Variants in VPS8 observed in about 807,000 individuals in gnomAD.
VPS8 encodes the protein VPS8 subunit of CORVET complex, also known as vacuolar protein sorting-associated protein 8 homolog.
VPS8 carries 129 observed loss-of-function variants against 216.4 expected under a neutral mutation model. The observed-to-expected ratio is 0.60, with a 90% CI of 0.52 to 0.69. The LOEUF (loss-of-function observed/expected upper bound fraction) is 0.69. Ranked by LOEUF, VPS8 falls within the 30% of genes least tolerant of loss-of-function variation. The pLI is 0.00. For synonymous variants in VPS8, 571 were observed against 565.4 expected (o/e 1.01, Z -0.14); for missense variants, 1,531 against 1,683.5 (o/e 0.91, Z 1.59).
intron 40 of VPS8, among the ~76,000 whole-genome samples, chr3:184,979,352 T>C (rs1433670527): frequency 6.6e-6 from 1 of 152,134 alleles, no homozygotes; most frequent in Admixed American, 6.5e-5. Context: ...CCTGAGTATC[T>C]TTGCTAGTTT....
chr3:184,889,634 T>C (rs1409830911), intron 22 of VPS8, among the ~76,000 whole-genome samples: 1 of 152,054 alleles, frequency 6.6e-6, no homozygotes, highest in Non-Finnish European at 1.5e-5. Context: ...CCTTGTCTCT[T>C]TCCCTAATTC....
At chr3:185,003,172 AATTG>A (rs780653363) in intron 45 of VPS8, among the ~76,000 whole-genome samples, 1 of 34,388 alleles carries the variant, frequency 2.9e-5, no homozygotes, top group Non-Finnish European at 6.1e-5. Flanking sequence ...TTTTTTTTTT[AATTG>A]ATCATTCTTG....
At chr3:184,895,892 C>T (rs1733383876) in intron 23 of VPS8, among the ~76,000 whole-genome samples, 1 of 151,282 alleles carries the variant, frequency 6.6e-6, no homozygotes, top group Non-Finnish European at 1.5e-5. Flanking sequence ...CCGTGGCCTT[C>T]CAAAGTGCTG....
chr3:185,051,746 A>T, intron 47 of VPS8, 130 bp from the exon 48 acceptor site: 1 of 1,175,824 alleles, frequency 8.5e-7, no homozygotes, highest in Non-Finnish European at 1.1e-6. Context: ...TGGACCTAAG[A>T]TTCAAACCCT....
intron 45 of VPS8, among the ~76,000 whole-genome samples, chr3:185,007,508 T>A (rs1424982033): frequency 6.6e-6 from 1 of 152,240 alleles, no homozygotes; most frequent in Non-Finnish European, 1.5e-5. Context: ...TAACTTGATA[T>A]AAATTCAAAG....
rs115844578 is a variant in VPS8 at position 184,885,590 on chromosome 3, C to T, written c.1735-520C>T. ...GCCACCAGCAGGACCAACTGTATCCCGTTATCAATTTGATTTATTTGCTTA... is the reference window on the plus strand; with the variant it reads ...GCCACCAGCAGGACCAACTGTATCCTGTTATCAATTTGATTTATTTGCTTA... On this transcript the variant is annotated intron_variant, in intron 21 of 47. Coordinates refer to ENST00000625842, the MANE Select transcript of VPS8 (RefSeq NM_001009921.3). Among the ~76,000 whole-genome samples, 676 of 152,202 alleles carry T rather than the reference C, an allele frequency of 4.4e-3. 5 individuals are homozygous for T. Among genetic ancestry groups the T allele is most frequent in the African/African-American group, 0.016 (648 of 41,524 alleles).
At chr3:184,916,411 A>G (rs1737606855) in intron 28 of VPS8, among the ~76,000 whole-genome samples, 1 of 152,118 alleles carries the variant, frequency 6.6e-6, no homozygotes, top group African/African-American at 2.4e-5. Context: ...GTATTTGGAG[A>G]AAAAAAGACA....
At chr3:184,940,642 TCTAAATGTATTACCTTTTAAACTCTGA>T (rs1197723440) in intron 36 of VPS8, among the ~76,000 whole-genome samples, 1 of 152,224 alleles carries the variant, frequency 6.6e-6, no homozygotes, top group Non-Finnish European at 1.5e-5. Context: ...CCAGCCCACC[TCTAAATGTATTACCTTTTAAACTCTGA>T]CTTAATATGT....
chr3:184,847,211 T>C (rs1173238102), intron 8 of VPS8, among the ~76,000 whole-genome samples: 2 of 152,212 alleles, frequency 1.3e-5, no homozygotes, highest in Non-Finnish European at 2.9e-5. Flanking sequence ...TATGTAGTTA[T>C]ACTCATTGTT....
intron 22 of VPS8, 109 bp downstream of exon 22, chr3:184,886,265 T>C (rs1731210851): frequency 9.4e-7 from 1 of 1,062,770 alleles, no homozygotes; most frequent in African/African-American, 1.6e-5. Context: ...TTTAAAAATA[T>C]TAATTTATAG....
intron 22 of VPS8, among the ~76,000 whole-genome samples, chr3:184,886,777 C>T (rs906682612): frequency 1.6e-4 from 25 of 152,116 alleles, no homozygotes; most frequent in African/African-American, 5.8e-4. Flanking sequence ...GACGGGGTTT[C>T]ACCATGTTGG....
At chr3:184,939,452 C>A (rs1418815392) in intron 35 of VPS8, among the ~76,000 whole-genome samples, 1 of 151,490 alleles carries the variant, frequency 6.6e-6, no homozygotes, top group African/African-American at 2.4e-5. Flanking sequence ...ATAGGTTTCC[C>A]AAGAATTTAG....
intron 30 of VPS8, among the ~76,000 whole-genome samples, chr3:184,925,834 C>T (rs1739509702): frequency 6.8e-6 from 1 of 147,946 alleles, no homozygotes; most frequent in Admixed American, 6.7e-5. Context: ...AGTGCAGCAG[C>T]ACGATCTTGG....
chr3:184,926,667 C>T lies in VPS8; in HGVS notation c.2631+17C>T, dbSNP rs1426207078. 2 of 1,587,438 alleles carry T rather than the reference C, an allele frequency of 1.3e-6. No homozygotes were observed. Among genetic ancestry groups the T allele is most frequent in the East Asian group, 2.3e-5 (1 of 44,048 alleles). ...AGACAGCAGGTATGAACTACTAGAA[C>T]TCTTTTTGCTAAAAAATAGGAAAGA... On this transcript the variant is annotated intron_variant, in intron 31 of 47. Coordinates refer to ENST00000625842, the MANE Select transcript of VPS8 (RefSeq NM_001009921.3).
chr3:184,847,575 A>G (rs1229206879), intron 8 of VPS8, among the ~76,000 whole-genome samples: 1 of 152,216 alleles, frequency 6.6e-6, no homozygotes, highest in African/African-American at 2.4e-5. Flanking sequence ...GGAGACACAA[A>G]CAGTGCTGGG....
intron 36 of VPS8, among the ~76,000 whole-genome samples, chr3:184,948,506 G>A (rs977193171): frequency 6.6e-6 from 1 of 152,158 alleles, no homozygotes; most frequent in Non-Finnish European, 1.5e-5. Context: ...CTGGATGACA[G>A]AGGGAGACCT....
At chr3:185,007,198 C>T (rs1754385319) in intron 45 of VPS8, among the ~76,000 whole-genome samples, 1 of 152,220 alleles carries the variant, frequency 6.6e-6, no homozygotes, top group Non-Finnish European at 1.5e-5. Context: ...TTCCCACAGG[C>T]TTACTGAAAA....
chr3:184,976,422 C>T (rs1163663498), intron 40 of VPS8, among the ~76,000 whole-genome samples: 1 of 150,960 alleles, frequency 6.6e-6, no homozygotes, highest in Admixed American at 6.6e-5. Flanking sequence ...CTCTTTCTTC[C>T]CCCCAACTTT....
chr3:184,840,761 G>A (rs539355201), intron 7 of VPS8, among the ~76,000 whole-genome samples: 57 of 151,866 alleles, frequency 3.8e-4, no homozygotes, highest in Non-Finnish European at 7.4e-4. Flanking sequence ...TTTTTGGGGG[G>A]GGTCATTTTT....
Sources: gnomAD v4.1 joint callset for allele counts (sites outside exome capture counted in the v4.1 genomes callset) on GRCh38, gnomAD v4.1.1 for gene constraint, MANE v1.5 for transcripts, NCBI Gene and HGNC (gene_info 2026-07-23, HGNC 2026-07-21) for gene names.